The following ESPNL variants were observed in gnomAD, a reference collection of about 807,000 sequenced individuals.
ESPNL encodes espin-like protein.
In ESPNL, 49 loss-of-function variants were observed where a neutral mutation model predicts 46.8. That is an observed-to-expected ratio of 1.05 (90% confidence interval 0.83 to 1.33). ESPNL has a LOEUF of 1.33. Ranked by LOEUF, ESPNL falls within the 40% of genes most tolerant of loss-of-function variation. The pLI, the probability that ESPNL is intolerant of heterozygous loss-of-function variation, is 0.00. For synonymous variants in ESPNL, 664 were observed against 662.1 expected, an observed-to-expected ratio of 1.00 and a Z score of -0.04; for missense variants, 1,540 against 1,436.6, an observed-to-expected ratio of 1.07 and a Z score of -1.16.
At chr2:238,128,654 A>G (rs1692197995) in intron 7 of ESPNL, 53 bp from the exon 8 acceptor site, 1 of 1,520,514 alleles carries the variant, frequency 6.6e-7, no homozygotes, top group Non-Finnish European at 8.9e-7. Context: ...TCTTCCCTCC[A>G]CTCAGGGCCT....
In ESPNL at chr2:238,100,409, C is replaced by CG. The variant is rs1559256208; in HGVS notation, c.-8dup. The CG allele has an allele frequency of 6.3e-7, 1 of 1,590,016 alleles. No homozygotes were observed. On this transcript the variant is annotated 5_prime_UTR_variant, in exon 1 of 9. Transcript: ENST00000343063. ...TGTGCATGAGTCGCCACTGAGAGCC[C>CG]GGGCCAGAGGATGGAGAAGCAGCGG...
intron 2 of ESPNL, among the ~76,000 whole-genome samples, 187 bp downstream of exon 2, chr2:238,102,318 G>T (rs1318412830): frequency 6.6e-6 from 1 of 152,228 alleles, no homozygotes. Flanking sequence ...CACAGGCCAG[G>T]CAGTGGCAGT....
Position 238,116,994 on chromosome 2 carries a change from A to G in ESPNL, c.947A>G (p.His316Arg). Residue 316 changes from histidine to arginine, a missense_variant, in exon 5 of 9, where the codon CAC (histidine) becomes CGC (arginine). By Grantham distance (29) the His-to-Arg change is conservative. Transcript: ENST00000343063. ...TAADLAEYHG[H>R]RDCAQYLREV... ...GCAGACCTGGCGGAGTACCATGGAC[A>G]CCGGGACTGCGCCCAGTACCTGCGG... is the stretch of plus-strand genomic sequence containing the variant. 6.2e-7 allele frequency: 1 copy of G among 1,612,404 alleles called. No individual in the cohort carries two copies. Among genetic ancestry groups the G allele is most frequent in the Non-Finnish European group, 8.5e-7 (1 of 1,179,740 alleles).
intron 3 of ESPNL, among the ~76,000 whole-genome samples, chr2:238,105,512 C>CAAA (rs58809990): frequency 2.0e-5 from 2 of 97,974 alleles, no homozygotes; most frequent in African/African-American, 3.9e-5. Flanking sequence ...GACTCTGTCT[C>CAAA]AAAAAAAAAA....
chr2:238,101,302 G>A (rs1178218392), intron 1 of ESPNL, among the ~76,000 whole-genome samples: 1 of 152,206 alleles, frequency 6.6e-6, no homozygotes, highest in Admixed American at 6.5e-5. Context: ...TCAGAGTTGA[G>A]GTGGGGGCCG....
chr2:238,102,924 C>G (rs1020003371), intron 2 of ESPNL, among the ~76,000 whole-genome samples: 3 of 152,222 alleles, frequency 2.0e-5, no homozygotes, highest in South Asian at 2.1e-4. Context: ...CCCCACACCC[C>G]CTTAGCTCCA....
In ESPNL at chr2:238,101,106, G is replaced by A. The variant is rs554132890; in HGVS notation, c.294+393G>A. Among the ~76,000 whole-genome samples the A allele has an allele frequency of 3.9e-5, 6 of 152,254 alleles. No homozygotes were observed. In the East Asian group the frequency reaches 7.7e-4, roughly 20 times the overall value. ...AGCTGGGAGCCTAGCCCTGGGGGAC[G>A]GGAGTTAGGGCTGCTGATGGTGATC... On this transcript the variant is annotated intron_variant, in intron 1 of 8. Transcript: ENST00000343063.
At position 238,114,416 on chromosome 2, in the gene ESPNL, C is replaced by T. The variant is rs1691773104; in HGVS notation, c.856-2487C>T. On this transcript the variant is annotated intron_variant, in intron 4 of 8. Transcript: ENST00000343063. The surrounding 1 kb of genome is among the most constrained non-coding windows in gnomAD (Gnocchi z 5.0). ...CAACAGCTCCTTGGGGACGCTCCGC[C>T]TCCACCCACCCACACACCCACCGCG... 6.6e-6 allele frequency among the ~76,000 whole-genome samples: 1 copy of T among 152,162 alleles called. No individual in the cohort carries two copies. Among genetic ancestry groups the T allele is most frequent in the Non-Finnish European group, 1.5e-5 (1 of 68,020 alleles).
chr2:238,127,442 T>A, intron 6 of ESPNL, 180 bp from the exon 7 acceptor site: 21 of 1,297,402 alleles, frequency 1.6e-5, no homozygotes, highest in East Asian at 6.8e-5. Context: ...CCCCACTGAC[T>A]CCCCAGAGAA....
Position 238,132,238 on chromosome 2 carries a change from C to A in ESPNL, c.*506C>A, listed in dbSNP as rs937140001. The A allele has an allele frequency of 6.5e-6, 1 of 154,318 alleles. No homozygotes were observed. Among genetic ancestry groups the A allele is most frequent in the African/African-American group, 2.4e-5 (1 of 41,490 alleles). 9.6% of individuals were successfully genotyped at this position (154,318 alleles called of 1,614,324 possible). On this transcript the variant is annotated 3_prime_UTR_variant, in exon 9 of 9. Coordinates refer to ENST00000343063, the MANE Select transcript of ESPNL (RefSeq NM_194312.4). ...TGAATTTGGGGGAGCTGGAGTGATT[C>A]CGAGGACAGATTCCATGGGCAGGAG...
intron 4 of ESPNL, among the ~76,000 whole-genome samples, chr2:238,110,025 A>G (rs958305460): frequency 1.1e-4 from 16 of 149,216 alleles, no homozygotes; most frequent in African/African-American, 3.8e-4. Context: ...GCCACACGTT[A>G]CCGAGTGTCC....
At position 238,128,774 on chromosome 2, in the gene ESPNL, C is replaced by T; in HGVS notation, c.1283C>T (p.Pro428Leu). ...GCCGCACTACAGCTGGATGGGCTGCCCTCAGGCGACATCGACGGGCTGGTG... is the reference window on the plus strand; with the variant it reads ...GCCGCACTACAGCTGGATGGGCTGCTCTCAGGCGACATCGACGGGCTGGTG... ...GLAALQLDGLPSGDIDGLVPT... is the reference protein window; with the variant it reads ...GLAALQLDGLLSGDIDGLVPT... Residue 428 changes from proline (P) to leucine (L), a missense_variant, in exon 8 of 9, where the codon CCC (proline) becomes CTC (leucine). Physicochemically the swap from Pro to Leu is moderately conservative, Grantham distance 98. Transcript: ENST00000343063. 1.3e-6 allele frequency: 2 copies of T among 1,588,172 alleles called. No individual in the cohort carries two copies. Among genetic ancestry groups the T allele is most frequent in the Non-Finnish European group, 1.7e-6 (2 of 1,168,306 alleles).
intron 5 of ESPNL, among the ~76,000 whole-genome samples, chr2:238,120,653 C>A (rs199781227): frequency 2.3e-4 from 35 of 152,228 alleles, no homozygotes; most frequent in Non-Finnish European, 1.0e-4. Flanking sequence ...CTTCAGGAGC[C>A]GGTTTGGGAG....
rs771315393 is a variant in ESPNL, at chr2:238,119,692, TC to T, written c.987+2661del. ...TCTGCCACACCTCTTTTACTGGTCA[TC>T]CCTTCAGGAAGGTGTTCTGAAATCA... On this transcript the variant is annotated intron_variant, in intron 5 of 8. Transcript: ENST00000343063. Among the ~76,000 whole-genome samples the T allele has an allele frequency of 2.6e-5, 4 of 152,176 alleles. No individual in the cohort carries two copies. The South Asian group carries it at 8.3e-4, about 32-fold the overall frequency.
chr2:238,104,824 C>A lies in ESPNL; in HGVS notation c.654C>A (p.Tyr218Ter), dbSNP rs753063217. Residue 218 changes from tyrosine (Y) to a stop codon, truncating the protein, a stop_gained, in exon 3 of 9, where the codon TAC becomes TAA. Transcript: ENST00000343063. LOFTEE classifies it high-confidence loss of function. ...ACGCTGCCGCCGCCCGTGGCCACTA[C>A]TCCCTCGTCGTCTGGCTGGTAAGTG... is the stretch of plus-strand genomic sequence containing the variant. ...ALHAAAARGH[Y>*]SLVVWLVTFT... 1.3e-6 allele frequency: 2 copies of A among 1,532,450 alleles called. No individual in the cohort carries two copies. Among genetic ancestry groups the A allele is most frequent in the Non-Finnish European group, 8.8e-7 (1 of 1,140,124 alleles). The allele number at this position is 1,532,450 out of a possible 1,614,324, so 94.9% of individuals were successfully genotyped here.
chr2:238,122,866 A>G (rs1692018271), intron 5 of ESPNL, among the ~76,000 whole-genome samples: 1 of 152,192 alleles, frequency 6.6e-6, no homozygotes, highest in Non-Finnish European at 1.5e-5. Flanking sequence ...CGGTGACACC[A>G]CTTGTGTCTG....
At chr2:238,127,804 G>A (rs1214146887) in intron 7 of ESPNL, 70 bp downstream of exon 7, 15 of 1,248,086 alleles carry the variant, frequency 1.2e-5, no homozygotes, top group African/African-American at 3.0e-5. Context: ...TCCTCTTAGG[G>A]GCCCAGAGAA....
rs76443812 is a variant in ESPNL at position 238,111,450 on chromosome 2, A to T, written c.855+3477A>T. 5.4e-3 allele frequency among the ~76,000 whole-genome samples: 824 copies of T among 152,212 alleles called. 7 individuals carry two copies. The highest frequency in any genetic ancestry group is 0.019 in the African/African-American group (770 of 41,520). ...CAGACAGCAATTCTCCGTCTCCCTT[A>T]TCTCCCAGCCCCTGGCCAGCAACAT... On this transcript the variant is annotated intron_variant, in intron 4 of 8. Coordinates refer to ENST00000343063, the MANE Select transcript of ESPNL (RefSeq NM_194312.4).
At position 238,130,257 on chromosome 2, in the gene ESPNL, G is replaced by A; in HGVS notation, c.1543G>A (p.Ala515Thr). The A allele has an allele frequency of 1.2e-6, 2 of 1,609,986 alleles. No homozygotes were observed. Among genetic ancestry groups the A allele is most frequent in the Non-Finnish European group, 1.7e-6 (2 of 1,178,662 alleles). The part of the protein sequence containing the change: ...DDLVYLEKQI[A>T]DLQLRRRCQE... The stretch of plus-strand genomic sequence containing the variant: ...CCTGGTCTACCTGGAGAAGCAGATT[G>A]CAGACCTGCAGCTTCGGCGCCGCTG... The change falls in exon 9 of 9, where the codon GCA (alanine) becomes ACA (threonine). Residue 515 changes from alanine (A) to threonine (T), a missense_variant. Transcript: ENST00000343063.
Sources: allele counts gnomAD v4.1 joint callset (sites outside exome capture counted in the v4.1 genomes callset), GRCh38; gene constraint gnomAD v4.1.1; non-coding constraint Gnocchi (gnomAD v3.1); transcripts MANE v1.5; gene names NCBI Gene and HGNC (gene_info 2026-07-23, HGNC 2026-07-21).